The following SCHIP1 variants were observed in gnomAD, a reference collection of about 807,000 sequenced individuals.
SCHIP1 encodes the protein schwannomin-interacting protein 1.
SCHIP1 carries 8 observed loss-of-function variants against 29.7 expected under a neutral mutation model. The ratio of observed to expected loss-of-function variants is 0.27; its 90% CI spans 0.16 to 0.49. The LOEUF is 0.49. Ranked by LOEUF, SCHIP1 falls within the 20% of genes least tolerant of loss-of-function variation. SCHIP1 has a pLI of 0.99. For missense variants in SCHIP1, 193 were observed against 294.6 expected (o/e 0.66, Z 2.52); for synonymous variants, 76 against 94.9 (o/e 0.80, Z 1.16).
chr3:159,308,848 C>A, the SCHIP1 span, among the ~76,000 whole-genome samples: 3 of 152,128 alleles, frequency 2.0e-5, no homozygotes, highest in Non-Finnish European at 4.4e-5. Flanking sequence ...AGAATGAAAT[C>A]ATGTACTTTG....
At chr3:159,390,065 T>A in the SCHIP1 span, among the ~76,000 whole-genome samples, 1 of 152,066 alleles carries the variant, frequency 6.6e-6, no homozygotes, top group African/African-American at 2.4e-5. Context: ...CATATATATA[T>A]ATAAAATGTT....
chr3:159,618,775 G>A, the SCHIP1 span, among the ~76,000 whole-genome samples: 1 of 152,266 alleles, frequency 6.6e-6, no homozygotes, highest in Non-Finnish European at 1.5e-5. Context: ...AGCCCTCTGA[G>A]TGCTGGCCAT....
chr3:159,423,121 G>A, the SCHIP1 span, among the ~76,000 whole-genome samples: 13 of 152,340 alleles, frequency 8.5e-5, no homozygotes, highest in East Asian at 5.8e-4. Flanking sequence ...AGCTCCCAGC[G>A]TGAGCGAGGC....
chr3:159,696,223 G>A, the SCHIP1 span, among the ~76,000 whole-genome samples: 8 of 152,168 alleles, frequency 5.3e-5, no homozygotes, highest in South Asian at 2.1e-4. Context: ...TACCACCACC[G>A]TACCATCCAT....
the SCHIP1 span, among the ~76,000 whole-genome samples, chr3:159,793,813 A>G: frequency 0.07 from 10,628 of 152,204 alleles, 423 homozygotes; most frequent in South Asian, 0.19. Context: ...TTGCCTCAGT[A>G]TCTCAAAGTT....
the SCHIP1 span, among the ~76,000 whole-genome samples, chr3:159,328,240 TA>T: frequency 1.7e-3 from 261 of 152,300 alleles, 2 homozygotes; most frequent in Non-Finnish European, 2.9e-3. Flanking sequence ...CATAGAAGAA[TA>T]TTTTTTTTTA....
the SCHIP1 span, among the ~76,000 whole-genome samples, chr3:159,627,655 G>A: frequency 6.6e-6 from 1 of 152,170 alleles, no homozygotes; most frequent in Non-Finnish European, 1.5e-5. Context: ...CTAGTGAGAT[G>A]GCCTAGCCAG....
upstream of SCHIP1, among the ~76,000 whole-genome samples, chr3:159,836,922 A>G (rs1372692405): frequency 6.6e-6 from 1 of 152,236 alleles, no homozygotes; most frequent in Non-Finnish European, 1.5e-5. Flanking sequence ...GTTGTTTCCA[A>G]TGAATGACTA....
the SCHIP1 span, among the ~76,000 whole-genome samples, chr3:159,333,722 A>G: frequency 6.6e-6 from 1 of 152,176 alleles, no homozygotes. Flanking sequence ...AAATCTTTGC[A>G]TTAGTCTGAT....
the SCHIP1 span, among the ~76,000 whole-genome samples, chr3:159,623,334 T>G: frequency 1.3e-5 from 2 of 152,174 alleles, no homozygotes; most frequent in Non-Finnish European, 2.9e-5. Flanking sequence ...GTGTTTAAAG[T>G]TGTTATAATG....
the SCHIP1 span, among the ~76,000 whole-genome samples, chr3:159,711,534 T>A: frequency 6.6e-6 from 1 of 151,778 alleles, no homozygotes; most frequent in South Asian, 2.1e-4. Context: ...CACTAAAAAA[T>A]ACAATGATAA....
the SCHIP1 span, among the ~76,000 whole-genome samples, chr3:159,702,846 A>G: frequency 4.4e-3 from 675 of 152,322 alleles, 5 homozygotes; most frequent in African/African-American, 0.016. Context: ...TTCCAGTTCA[A>G]TGAAAGGGCT....
chr3:159,831,139 T>A, the SCHIP1 span, among the ~76,000 whole-genome samples: 2 of 152,192 alleles, frequency 1.3e-5, no homozygotes, highest in African/African-American at 4.8e-5. Context: ...GCATTTACAT[T>A]TCTTGGGCAG....
intron 1 of SCHIP1, among the ~76,000 whole-genome samples, chr3:159,843,094 A>G (rs1744428295): frequency 7.1e-6 from 1 of 141,724 alleles, no homozygotes; most frequent in Non-Finnish European, 1.5e-5. Flanking sequence ...GGCGCAATCA[A>G]ACTCAGCTGC....
chr3:159,601,190 A>G, the SCHIP1 span, among the ~76,000 whole-genome samples: 2 of 152,170 alleles, frequency 1.3e-5, no homozygotes, highest in Non-Finnish European at 1.5e-5. Flanking sequence ...CAGTGGGCCC[A>G]CTTGGGTCTC....
the SCHIP1 span, among the ~76,000 whole-genome samples, chr3:159,506,267 T>G: frequency 6.6e-6 from 1 of 152,212 alleles, no homozygotes; most frequent in East Asian, 1.9e-4. Flanking sequence ...ATAAATGTCT[T>G]ATTTGAGAAG....
the SCHIP1 span, among the ~76,000 whole-genome samples, chr3:159,775,111 T>G: frequency 6.6e-6 from 1 of 152,222 alleles, no homozygotes. Context: ...CTGCAGCTGA[T>G]TTCTGCAAAT....
chr3:159,315,349 C>T, the SCHIP1 span, among the ~76,000 whole-genome samples: 1 of 151,008 alleles, frequency 6.6e-6, no homozygotes, highest in African/African-American at 2.4e-5. Flanking sequence ...CAGGCACCCA[C>T]CACTATGCCC....
At chr3:159,365,649 G>A in the SCHIP1 span, among the ~76,000 whole-genome samples, 1 of 152,106 alleles carries the variant, frequency 6.6e-6, no homozygotes, top group African/African-American at 2.4e-5. Context: ...CTGATCTAGA[G>A]TCGTCCCCTG....
Sources: gnomAD v4.1 joint callset for allele counts (sites outside exome capture counted in the v4.1 genomes callset) on GRCh38, gnomAD v4.1.1 for gene constraint, MANE v1.5 for transcripts, NCBI Gene and HGNC (gene_info 2026-07-23, HGNC 2026-07-21) for gene names.